GLI3: variants seen among roughly 807,000 people sequenced by gnomAD.
The protein encoded by GLI3 is GLI family zinc finger 3, also known as transcription activator GLI3.
A neutral mutation model predicts 100.8 loss-of-function variants in GLI3; 20 were observed. That is an observed-to-expected ratio of 0.20 (90% CI 0.14 to 0.29). The LOEUF (loss-of-function observed/expected upper bound fraction) is 0.29, where lower values mean the gene tolerates loss of function less well. Ranked by LOEUF, GLI3 falls within the 10% of genes least tolerant of loss-of-function variation. The pLI is 1.00. For synonymous variants in GLI3, 938 were observed against 860.5 expected (o/e 1.09, Z -1.58); for missense variants, 2,040 against 2,128.5 (o/e 0.96, Z 0.82).
At chr7:42,042,856 A>G (rs1471155543) in intron 6 of GLI3, among the ~76,000 whole-genome samples, 1 of 152,108 alleles carries the variant, frequency 6.6e-6, no homozygotes, top group Non-Finnish European at 1.5e-5. Flanking sequence ...AGGGGCCCTC[A>G]TCTCTAGAAT....
Position 41,972,283 on chromosome 7 carries a change from C to A in GLI3, c.2103+54G>T, listed in dbSNP as rs1562663891. The A allele has an allele frequency of 6.5e-7, 1 of 1,541,878 alleles. No individual in the cohort carries two copies. The highest frequency in any genetic ancestry group is 1.4e-5 in the African/African-American group (1 of 73,524). ...AGTCCTGTCCCTCTATGCACCCTACCTGGCTCTTTTAAATGGGCCTGCTGT... is the reference window on the plus strand; with the variant it reads ...AGTCCTGTCCCTCTATGCACCCTACATGGCTCTTTTAAATGGGCCTGCTGT... On this transcript the variant is annotated intron_variant, in intron 13 of 14. Coordinates refer to ENST00000395925, the MANE Select transcript of GLI3 (RefSeq NM_000168.6). This position sits in a 1 kb window ranked among gnomAD's most constrained non-coding sequence, Gnocchi z 4.4.
chr7:42,100,260 G>A (rs1019287614), intron 3 of GLI3, among the ~76,000 whole-genome samples: 2 of 152,228 alleles, frequency 1.3e-5, no homozygotes, highest in African/African-American at 4.8e-5. Context: ...GCTGTGGAAG[G>A]AGGAAGCCAC....
intron 10 of GLI3, among the ~76,000 whole-genome samples, chr7:42,003,654 G>A (rs1257412177): frequency 6.6e-6 from 1 of 152,112 alleles, no homozygotes; most frequent in Non-Finnish European, 1.5e-5. Flanking sequence ...ATTCAAATAT[G>A]ACCCAAGTCA....
chr7:42,125,405 C>T (rs903406593), intron 3 of GLI3, among the ~76,000 whole-genome samples: 5 of 152,184 alleles, frequency 3.3e-5, no homozygotes, highest in Admixed American at 3.3e-4. Flanking sequence ...CCAAGTCTTG[C>T]TAGCAGAGTT....
At position 42,256,539 on chromosome 7, in the gene GLI3, A is replaced by G. The variant is rs145544512; in HGVS notation, c.-43+7455T>C. ...TGCTGTACCAATCGTTGAAAAGACT[A>G]TCCTTTTCCTTTCTAGTTGTCTTTG... On this transcript the variant is annotated intron_variant, in intron 1 of 2. Coordinates refer to the GLI3 transcript ENST00000678978. Among the ~76,000 whole-genome samples, 1,029 of 152,302 alleles carry G rather than the reference A, an allele frequency of 6.8e-3. 10 individuals carry two copies. The highest frequency in any genetic ancestry group is 0.023 in the African/African-American group (948 of 41,572).
intron 2 of GLI3, among the ~76,000 whole-genome samples, chr7:42,182,460 T>A (rs1459119175): frequency 1.3e-5 from 2 of 150,532 alleles, no homozygotes; most frequent in Non-Finnish European, 2.9e-5. Flanking sequence ...ATAATAATAA[T>A]CCCTGTAAAC....
chr7:41,964,983 G>C lies in GLI3; in HGVS notation c.4090C>G (p.Leu1364Val). The change falls in exon 15 of 15, where the codon CTG (leucine) becomes GTG (valine). Residue 1364 changes from leucine to valine, a missense_variant. Around this residue, in one of 5 missense-constraint regions of GLI3, gnomAD observed 1,041 missense variants for 924.0 expected, o/e 1.13. Coordinates refer to ENST00000395925, the MANE Select transcript of GLI3 (RefSeq NM_000168.6). ...CTGCCCATGCCGTGAGCCCCTGGCA[G>C]GCAGCTCTCTGGCCCTTGGTAGATG... The part of the protein sequence containing the change: ...INIYQGPESC[L>V]PGAHGMGSQP... 1 of 1,613,816 alleles carries C rather than the reference G, an allele frequency of 6.2e-7. No individual in the cohort carries two copies. The highest frequency in any genetic ancestry group is 8.5e-7 in the Non-Finnish European group (1 of 1,180,040).
At chr7:42,263,747 C>T (rs1789171525) in intron 1 of GLI3, among the ~76,000 whole-genome samples, 1 of 152,148 alleles carries the variant, frequency 6.6e-6, no homozygotes, top group African/African-American at 2.4e-5. Flanking sequence ...CGCACCCCAC[C>T]AGATCTTGAT....
At chr7:42,024,694 G>A (rs1015521755) in intron 9 of GLI3, among the ~76,000 whole-genome samples, 8 of 152,140 alleles carry the variant, frequency 5.3e-5, no homozygotes, top group Admixed American at 1.3e-4. Flanking sequence ...GACTAGAGGC[G>A]GAGTCCGGAT....
intron 7 of GLI3, among the ~76,000 whole-genome samples, chr7:42,038,944 T>C (rs1326657468): frequency 6.6e-6 from 1 of 152,182 alleles, no homozygotes; most frequent in Non-Finnish European, 1.5e-5. Context: ...CGCTCATTCA[T>C]AGAAACAAAC....
intron 2 of GLI3, among the ~76,000 whole-genome samples, chr7:42,195,434 A>G (rs1787910165): frequency 6.6e-6 from 1 of 151,496 alleles, no homozygotes; most frequent in Admixed American, 6.6e-5. Flanking sequence ...AGTCTGCCCA[A>G]CAACCCCGTT....
At chr7:42,256,082 T>G (rs1789081896) in intron 1 of GLI3, among the ~76,000 whole-genome samples, 1 of 152,196 alleles carries the variant, frequency 6.6e-6, no homozygotes, top group Non-Finnish European at 1.5e-5. Flanking sequence ...TTTTTATGTG[T>G]TCATTAGCCA....
rs1789151410 is a variant in GLI3 at position 42,262,225 on chromosome 7, T to TTCCTTCCTTCCTTCCTGCC, written c.-43+1768_-43+1769insGGCAGGAAGGAAGGAAGGA. Reference sequence around the variant, plus strand: ...CCTTCCTTCTTTCCTTCCTTCCTTCTTTCCTTCCTTCCTTCCTTCCTTTCT... The same window carrying TTCCTTCCTTCCTTCCTGCC: ...CCTTCCTTCTTTCCTTCCTTCCTTCTTCCTTCCTTCCTTCCTGCCTTCCTTCCTTCCTTCCTTCCTTTCT... On this transcript the variant is annotated intron_variant, in intron 1 of 2. Transcript: ENST00000678978. Among the ~76,000 whole-genome samples, 183 of 118,772 alleles carry TTCCTTCCTTCCTTCCTGCC rather than the reference T, an allele frequency of 1.5e-3. 2 individuals are homozygous for TTCCTTCCTTCCTTCCTGCC. The highest frequency in any genetic ancestry group is 5.9e-3 in the African/African-American group (176 of 29,726). 77.9% of individuals were successfully genotyped at this position (118,772 alleles called of 152,430 possible).
At chr7:41,985,017 T>TAG (rs1787778413) in intron 10 of GLI3, among the ~76,000 whole-genome samples, 1 of 152,236 alleles carries the variant, frequency 6.6e-6, no homozygotes, top group African/African-American at 2.4e-5. Flanking sequence ...GTGTTCCATA[T>TAG]ATAAACATCT....
intron 10 of GLI3, among the ~76,000 whole-genome samples, chr7:42,004,101 G>T (rs1788384827): frequency 6.6e-6 from 1 of 152,104 alleles, no homozygotes; most frequent in Non-Finnish European, 1.5e-5. Flanking sequence ...AATTTAGGAG[G>T]AGAAAGAAGG....
chr7:41,977,922 TG>T, intron 11 of GLI3, 200 bp from the exon 12 acceptor site: 1 of 609,826 alleles, frequency 1.6e-6, no homozygotes, highest in Admixed American at 2.9e-5. Context: ...GAGTTTTCAG[TG>T]CCAGTAAAAG....
chr7:42,200,285 C>T (rs1429160853), intron 2 of GLI3, among the ~76,000 whole-genome samples: 1 of 152,184 alleles, frequency 6.6e-6, no homozygotes, highest in Non-Finnish European at 1.5e-5. Flanking sequence ...AAGCAGCCCA[C>T]TTTATCCTTT....
intron 2 of GLI3, among the ~76,000 whole-genome samples, chr7:42,170,693 C>A (rs78748711): frequency 6.6e-6 from 1 of 152,102 alleles, no homozygotes; most frequent in Non-Finnish European, 1.5e-5. Context: ...TGAGCCACCA[C>A]GTCTGGCCTT....
rs1199079864 is a variant in GLI3, at chr7:41,965,842, G to GGAC, written c.3228_3230dup (p.Ser1077dup). On this transcript the variant is annotated inframe_insertion, in exon 15 of 15. Transcript: ENST00000395925. ...GGTTGGCATCAGCGTCCATGGTCAGGGACTCCAGGGTGACGTTCTCGGTGA... is the reference window on the plus strand; with the variant it reads ...GGTTGGCATCAGCGTCCATGGTCAGGGACGACTCCAGGGTGACGTTCTCGGTGA... 6.2e-7 allele frequency: 1 copy of GGAC among 1,613,670 alleles called. No homozygotes were observed. Among genetic ancestry groups the GGAC allele is most frequent in the South Asian group, 1.1e-5 (1 of 91,054 alleles).
Sources: allele counts gnomAD v4.1 joint callset (sites outside exome capture counted in the v4.1 genomes callset), GRCh38; gene constraint gnomAD v4.1.1; regional missense constraint gnomAD v4.1.1; non-coding constraint Gnocchi (gnomAD v3.1); transcripts MANE v1.5; gene names NCBI Gene and HGNC (gene_info 2026-07-23, HGNC 2026-07-21).